The following CCND3 variants were observed in gnomAD, a reference collection of about 807,000 sequenced individuals.
The protein encoded by CCND3 is G1/S-specific cyclin-D3.
In CCND3, 9 loss-of-function variants were observed where a neutral mutation model predicts 28.7. The observed-to-expected ratio is 0.31, with a 90% CI of 0.19 to 0.55. The LOEUF (loss-of-function observed/expected upper bound fraction) is 0.55. Among genes scored for constraint, CCND3 ranks in the 20% least tolerant of loss-of-function variants. The pLI is 0.93. For synonymous variants in CCND3, 164 were observed against 163.9 expected (o/e 1.00, Z 0.00); for missense variants, 315 against 385.8 (o/e 0.82, Z 1.54).
chr6:41,944,941 T>C (rs886374831), upstream of CCND3, among the ~76,000 whole-genome samples: 1 of 152,198 alleles, frequency 6.6e-6, no homozygotes, highest in Non-Finnish European at 1.5e-5. Context: ...GTGAGCTCAA[T>C]GCAGGACCAG....
chr6:41,936,850 G>C lies in CCND3; in HGVS notation c.575-155C>G. The C allele has an allele frequency of 2.9e-6, 2 of 699,388 alleles. No individual in the cohort carries two copies. Among genetic ancestry groups the C allele is most frequent in the South Asian group, 3.8e-5 (2 of 52,966 alleles). 43.3% of individuals were successfully genotyped at this position (699,388 alleles called of 1,614,324 possible). A position where few individuals can be genotyped will look rare whatever the true frequency, so the allele number is the denominator to read the frequency against. On this transcript the variant is annotated intron_variant, in intron 3 of 4. Transcript: ENST00000372991. This position sits in a 1 kb window ranked among gnomAD's most constrained non-coding sequence, Gnocchi z 4.4. ...GTGGGTGGGGCAAGATATCAGCAAG[G>C]GAGGAAGACAGGAAAGAGTATCTTT...
Position 41,935,148 on chromosome 6 carries a change from T to TG in CCND3, c.*791dup, listed in dbSNP as rs1387635828. ...AGAGGGACAATGGGAGAGGAGGGCA[T>TG]GACCCCACCCCAGGCTATAGCAGCT... is the stretch of plus-strand genomic sequence containing the variant. On this transcript the variant is annotated 3_prime_UTR_variant, in exon 5 of 5. Coordinates refer to ENST00000372991, the MANE Select transcript of CCND3 (RefSeq NM_001760.5). The TG allele has an allele frequency of 4.3e-6, 1 of 233,224 alleles. No individual in the cohort carries two copies. Among genetic ancestry groups the TG allele is most frequent in the Non-Finnish European group, 8.5e-6 (1 of 118,100 alleles). 14.4% of individuals were successfully genotyped at this position (233,224 alleles called of 1,614,324 possible).
intron 1 of CCND3, among the ~76,000 whole-genome samples, chr6:41,969,968 C>A (rs537037251): frequency 1.3e-5 from 2 of 151,856 alleles, no homozygotes; most frequent in South Asian, 4.2e-4. Flanking sequence ...GCTACTTGGG[C>A]GGCTTAGCTG....
intron 1 of CCND3, among the ~76,000 whole-genome samples, chr6:41,977,581 G>A (rs922267959): frequency 6.6e-6 from 1 of 152,036 alleles, no homozygotes; most frequent in Non-Finnish European, 1.5e-5. Context: ...TGGCCAGGCT[G>A]GTCTCAAACT....
At chr6:41,976,020 C>T (rs1432491576) in intron 1 of CCND3, among the ~76,000 whole-genome samples, 1 of 151,936 alleles carries the variant, frequency 6.6e-6, no homozygotes, top group Non-Finnish European at 1.5e-5. Context: ...GCCTGGGCAA[C>T]ATACCAAGAC....
chr6:41,972,878 TA>T (rs1762072920), intron 1 of CCND3, among the ~76,000 whole-genome samples: 3 of 149,572 alleles, frequency 2.0e-5, no homozygotes, highest in African/African-American at 7.4e-5. Context: ...TATATATATA[TA>T]TTTAAAAATT....
chr6:41,983,537 A>T (rs1366219617), intron 1 of CCND3, among the ~76,000 whole-genome samples: 1 of 151,968 alleles, frequency 6.6e-6, no homozygotes, highest in Non-Finnish European at 1.5e-5. Flanking sequence ...ATCATTATTA[A>T]CTATAATCAC....
intron 1 of CCND3, among the ~76,000 whole-genome samples, chr6:41,978,900 GGGTGGGGT>G (rs1762252563): frequency 6.6e-6 from 1 of 152,096 alleles, no homozygotes; most frequent in African/African-American, 2.4e-5. Flanking sequence ...GATCCTGGCT[GGGTGGGGT>G]GGCTCACGCC....
chr6:42,014,323 G>A (rs1466624190), intron 1 of CCND3, among the ~76,000 whole-genome samples: 1 of 151,192 alleles, frequency 6.6e-6, no homozygotes, highest in African/African-American at 2.4e-5. Context: ...AGCCGAGATG[G>A]CGCCACTGCA....
intron 1 of CCND3, among the ~76,000 whole-genome samples, chr6:42,007,921 G>A (rs1413766150): frequency 6.6e-6 from 1 of 152,114 alleles, no homozygotes. Context: ...AAACCTGACG[G>A]TGACAGGAAG....
chr6:41,950,822 C>G (rs182423669), intron 1 of CCND3, among the ~76,000 whole-genome samples: 39 of 151,740 alleles, frequency 2.6e-4, no homozygotes, highest in Non-Finnish European at 4.7e-4. Flanking sequence ...CATTCTCCTG[C>G]CACAGCCTCC....
rs1775934671 is a variant in CCND3 at position 41,939,910 on chromosome 6, A to G, written c.414+460T>C. On this transcript the variant is annotated intron_variant, in intron 2 of 4. Transcript: ENST00000372991. The surrounding 1 kb of genome is among the most constrained non-coding windows in gnomAD (Gnocchi z 4.2). ...TGGCTCTGGGAGGCTTTTCTATCACAAAGTCCACATGAGGATAAAGACTCA... is the reference window on the plus strand; with the variant it reads ...TGGCTCTGGGAGGCTTTTCTATCACGAAGTCCACATGAGGATAAAGACTCA... 6.6e-6 allele frequency among the ~76,000 whole-genome samples: 1 copy of G among 152,102 alleles called. No individual in the cohort carries two copies. The highest frequency in any genetic ancestry group is 2.1e-4 in the South Asian group (1 of 4,832).
In CCND3 at chr6:41,962,746, T is replaced by C. The variant is rs779410069; in HGVS notation, c.-45-22161A>G. 9.4e-4 allele frequency among the ~76,000 whole-genome samples: 105 copies of C among 112,146 alleles called. 1 individual carries two copies. Among genetic ancestry groups the C allele is most frequent in the Non-Finnish European group, 3.2e-4 (18 of 55,746 alleles). 73.6% of individuals were successfully genotyped at this position (112,146 alleles called of 152,430 possible). A position where few individuals can be genotyped will look rare whatever the true frequency, so the allele number is the denominator to read the frequency against. ...CCTGCGTGACAAGAGTGAGATCCTGTCTCAAAAAAATAATTTTTTTTTGAG... is the reference window on the plus strand; with the variant it reads ...CCTGCGTGACAAGAGTGAGATCCTGCCTCAAAAAAATAATTTTTTTTTGAG... On this transcript the variant is annotated intron_variant, in intron 1 of 4. Coordinates refer to the CCND3 transcript ENST00000372988.
intron 1 of CCND3, among the ~76,000 whole-genome samples, chr6:41,977,382 T>G (rs922236163): frequency 3.3e-5 from 5 of 152,168 alleles, no homozygotes; most frequent in Non-Finnish European, 7.3e-5. Flanking sequence ...TTTTTTCTTT[T>G]TTGAGACAGA....
At chr6:41,996,670 C>CT (rs34368226) in intron 1 of CCND3, among the ~76,000 whole-genome samples, 133,011 of 141,440 alleles carry the variant, frequency 0.94, 62,692 homozygotes, top group East Asian at 1. Flanking sequence ...AAAATCTTAC[C>CT]TTTTTTTTTT....
chr6:42,038,543 T>C (rs1009105439), intron 1 of CCND3, among the ~76,000 whole-genome samples: 20 of 121,044 alleles, frequency 1.7e-4, no homozygotes, highest in African/African-American at 3.1e-5. Context: ...CCATCTCAAC[T>C]AAAAAAAAAA....
chr6:42,039,059 T>G (rs1422872603), intron 1 of CCND3, among the ~76,000 whole-genome samples: 4 of 152,236 alleles, frequency 2.6e-5, no homozygotes, highest in Admixed American at 2.0e-4. Context: ...ACCTATGTAC[T>G]ATTTATATGA....
At chr6:42,004,849 G>A (rs968738138) in intron 1 of CCND3, among the ~76,000 whole-genome samples, 7 of 152,156 alleles carry the variant, frequency 4.6e-5, no homozygotes, top group Admixed American at 2.0e-4. Context: ...CCTGGCACTA[G>A]CCCAAGCAAA....
intron 1 of CCND3, among the ~76,000 whole-genome samples, chr6:42,024,655 T>C (rs778846155): frequency 2.6e-5 from 4 of 152,112 alleles, no homozygotes; most frequent in Non-Finnish European, 4.4e-5. Context: ...GCATGGTGGC[T>C]CACGCTTGTA....
Sources: allele counts gnomAD v4.1 joint callset (sites outside exome capture counted in the v4.1 genomes callset), GRCh38; gene constraint gnomAD v4.1.1; non-coding constraint Gnocchi (gnomAD v3.1); transcripts MANE v1.5; gene names NCBI Gene and HGNC (gene_info 2026-07-23, HGNC 2026-07-21).